HS3ST5: variants seen among roughly 807,000 people sequenced by gnomAD.
HS3ST5 encodes heparan sulfate glucosamine 3-O-sulfotransferase 5.
A neutral mutation model predicts 25.4 loss-of-function variants in HS3ST5; 10 were observed. The observed-to-expected ratio is 0.39, with a 90% CI of 0.24 to 0.67. HS3ST5 has a LOEUF of 0.67. HS3ST5 is among the 30% of genes least tolerant of loss of function. The probability of loss-of-function intolerance (pLI) is 0.44; values close to 1 mark genes in which losing one functional copy is unlikely to be tolerated. For synonymous variants in HS3ST5, 170 were observed against 162.4 expected (o/e 1.05, Z -0.36); for missense variants, 324 against 420.7 (o/e 0.77, Z 2.01).
At chr6:114,210,783 T>C (rs1175290001) in intron 2 of HS3ST5, among the ~76,000 whole-genome samples, 2 of 152,236 alleles carry the variant, frequency 1.3e-5, no homozygotes, top group Admixed American at 6.5e-5. Context: ...ATCTTGGTCA[T>C]AGTTATAAAA....
intron 3 of HS3ST5, among the ~76,000 whole-genome samples, chr6:114,134,126 G>C (rs182974177): frequency 2.0e-5 from 3 of 152,278 alleles, no homozygotes; most frequent in Non-Finnish European, 4.4e-5. Flanking sequence ...CTTGTGTCTG[G>C]AGGGCAGGGT....
intron 3 of HS3ST5, among the ~76,000 whole-genome samples, chr6:114,147,496 G>A (rs1167931470): frequency 6.6e-6 from 1 of 152,122 alleles, no homozygotes; most frequent in Admixed American, 6.5e-5. Context: ...ATAGGGTCTT[G>A]GAATAACCTA....
chr6:114,096,778 A>G (rs949898113), intron 3 of HS3ST5, among the ~76,000 whole-genome samples: 1 of 152,062 alleles, frequency 6.6e-6, no homozygotes, highest in Non-Finnish European at 1.5e-5. Context: ...AATATTCCAT[A>G]GGTGGGAGGC....
At chr6:114,066,799 T>C (rs2114718938) in intron 3 of HS3ST5, among the ~76,000 whole-genome samples, 1 of 152,352 alleles carries the variant, frequency 6.6e-6, no homozygotes, top group Admixed American at 6.5e-5. Flanking sequence ...GCCTCCCTTG[T>C]TCCTTAACAT....
chr6:114,270,722 G>T (rs1028999174), intron 1 of HS3ST5, among the ~76,000 whole-genome samples: 1 of 151,992 alleles, frequency 6.6e-6, no homozygotes, highest in Non-Finnish European at 1.5e-5. Flanking sequence ...GAGTTTTAAG[G>T]CTTTGTCCAG....
At position 114,328,177 on chromosome 6, in the gene HS3ST5, T is replaced by C. The variant is rs145864309; in HGVS notation, c.-339+14018A>G. 6.1e-3 allele frequency among the ~76,000 whole-genome samples: 907 copies of C among 149,902 alleles called. 5 individuals are homozygous for C. Among genetic ancestry groups the C allele is most frequent in the Non-Finnish European group, 0.01 (701 of 67,662 alleles). ...TGATATTCCATAAACTAGAGATGTG[T>C]ATAGGGTTAAGTACAGAAGGTAAAG... On this transcript the variant is annotated intron_variant, in intron 1 of 4. Coordinates refer to ENST00000312719, the MANE Select transcript of HS3ST5 (RefSeq NM_153612.4).
At chr6:114,136,658 G>A (rs1173861013) in intron 3 of HS3ST5, among the ~76,000 whole-genome samples, 9 of 152,306 alleles carry the variant, frequency 5.9e-5, no homozygotes, top group Admixed American at 4.6e-4. Context: ...CTACTTTAAT[G>A]TGCTGCTCTT....
chr6:114,276,615 A>AAC (rs1773865269), intron 1 of HS3ST5, among the ~76,000 whole-genome samples: 1 of 149,024 alleles, frequency 6.7e-6, no homozygotes. Context: ...GTGTGGGAAA[A>AAC]AAAAAAACAA....
intron 3 of HS3ST5, among the ~76,000 whole-genome samples, chr6:114,096,167 C>A (rs1357947661): frequency 1.3e-5 from 2 of 152,112 alleles, no homozygotes; most frequent in Non-Finnish European, 2.9e-5. Context: ...GAAAAAGCAT[C>A]AAAAATACTG....
chr6:114,260,452 T>A (rs546067057), intron 1 of HS3ST5, among the ~76,000 whole-genome samples: 14 of 152,352 alleles, frequency 9.2e-5, no homozygotes, highest in Admixed American at 2.6e-4. Context: ...ACTTTGCTCT[T>A]TTAACAGTAA....
rs555373822 is a variant in HS3ST5, at chr6:114,185,926, G to T, written c.-144-17464C>A. Among the ~76,000 whole-genome samples the T allele has an allele frequency of 2.0e-5, 3 of 151,876 alleles. No homozygotes were observed. In the South Asian group the frequency reaches 6.3e-4, roughly 32 times the overall value. On this transcript the variant is annotated intron_variant, in intron 2 of 4. Transcript: ENST00000312719. ...ACTAATTTTTATTAGTAGAGACAGG[G>T]TCTCCCTATTTTGCCCCAAGCTGTG...
intron 3 of HS3ST5, among the ~76,000 whole-genome samples, chr6:114,114,362 A>G (rs2114856895): frequency 6.6e-6 from 1 of 152,278 alleles, no homozygotes; most frequent in Admixed American, 6.5e-5. Flanking sequence ...GTGGAGGAAT[A>G]ATCCCTCCCA....
intron 3 of HS3ST5, among the ~76,000 whole-genome samples, chr6:114,160,062 T>A (rs753809820): frequency 6.6e-6 from 1 of 152,158 alleles, no homozygotes; most frequent in Non-Finnish European, 1.5e-5. Context: ...TTAAAAACTG[T>A]AGGAATAAAA....
At chr6:114,335,324 T>A (rs961730523) in intron 1 of HS3ST5, among the ~76,000 whole-genome samples, 4 of 147,636 alleles carry the variant, frequency 2.7e-5, no homozygotes, top group Non-Finnish European at 1.5e-5. Flanking sequence ...AAAAAAAAAA[T>A]CTAAGAATAG....
intron 2 of HS3ST5, among the ~76,000 whole-genome samples, chr6:114,215,704 A>G (rs950317270): frequency 6.6e-6 from 1 of 152,304 alleles, no homozygotes; most frequent in Middle Eastern, 3.4e-3. Context: ...TGGTATATTC[A>G]GAATAGAGTC....
At chr6:114,228,185 T>A (rs577360539) in intron 2 of HS3ST5, among the ~76,000 whole-genome samples, 1 of 152,232 alleles carries the variant, frequency 6.6e-6, no homozygotes, top group Admixed American at 6.5e-5. Flanking sequence ...AAATACACAT[T>A]CTTACGACAC....
At position 114,056,842 on chromosome 6, in the gene HS3ST5, T is replaced by C. The variant is rs906875379; in HGVS notation, c.*415A>G. The C allele has an allele frequency of 6.4e-6, 1 of 156,836 alleles. No individual in the cohort carries two copies. The allele number at this position is 156,836 out of a possible 1,614,324, so 9.7% of individuals were successfully genotyped here. On this transcript the variant is annotated 3_prime_UTR_variant, in exon 5 of 5. Transcript: ENST00000312719. Reference sequence around the variant, plus strand: ...CTGAATTAAAGAGCCAGCTTTCCCTTAGGAAAAAAAAAATGCATCACTGGA... The same window carrying C: ...CTGAATTAAAGAGCCAGCTTTCCCTCAGGAAAAAAAAAATGCATCACTGGA...
At chr6:114,244,205 A>T (rs947043730) in intron 1 of HS3ST5, among the ~76,000 whole-genome samples, 1 of 152,336 alleles carries the variant, frequency 6.6e-6, no homozygotes, top group South Asian at 2.1e-4. Context: ...ACTTGAGTTA[A>T]TTTAATTCAC....
chr6:114,322,014 C>A (rs1470308385), intron 1 of HS3ST5, among the ~76,000 whole-genome samples: 1 of 152,056 alleles, frequency 6.6e-6, no homozygotes, highest in African/African-American at 2.4e-5. Context: ...TTTAGATTAC[C>A]ATAGTATGTG....
Sources: gnomAD v4.1 joint callset for allele counts (sites outside exome capture counted in the v4.1 genomes callset) on GRCh38, gnomAD v4.1.1 for gene constraint, MANE v1.5 for transcripts, NCBI Gene and HGNC (gene_info 2026-07-23, HGNC 2026-07-21) for gene names.